The following OSTN variants were observed in gnomAD, a reference collection of about 807,000 sequenced individuals.
OSTN encodes the protein osteocrin.
A neutral mutation model predicts 12.0 loss-of-function variants in OSTN; 9 were observed. The ratio of observed to expected loss-of-function variants is 0.75; its 90% CI spans 0.45 to 1.30. The LOEUF is 1.30. Ranked by LOEUF, OSTN falls within the 50% of genes most tolerant of loss-of-function variation. OSTN has a pLI of 0.00. For synonymous variants in OSTN, 59 were observed against 56.9 expected (o/e 1.04, Z -0.16); for missense variants, 148 against 152.3 (o/e 0.97, Z 0.15).
At chr3:191,229,363 A>G (rs1009703626) in intron 3 of OSTN, among the ~76,000 whole-genome samples, 1 of 152,240 alleles carries the variant, frequency 6.6e-6, no homozygotes, top group Non-Finnish European at 1.5e-5. Context: ...ACTATTATTT[A>G]CTTTAAAATA....
rs1048104338 is a variant in OSTN at position 191,262,907 on chromosome 3, T to A, written c.*54T>A. The A allele has an allele frequency of 1.4e-6, 1 of 702,062 alleles. No individual in the cohort carries two copies. The highest frequency in any genetic ancestry group is 2.6e-6 in the Non-Finnish European group (1 of 384,406). The allele number at this position is 702,062 out of a possible 1,614,324, so 43.5% of individuals were successfully genotyped here. A position where few individuals can be genotyped will look rare whatever the true frequency, so the allele number is the denominator to read the frequency against. ...TGAAATGTCACAGCAATATGGAAGA[T>A]GCTTCACTGAAGTTATTCACACTTC... On this transcript the variant is annotated 3_prime_UTR_variant, in exon 5 of 5. Transcript: ENST00000682035.
chr3:191,208,384 G>A (rs1165794905), intron 1 of OSTN, among the ~76,000 whole-genome samples: 1 of 152,170 alleles, frequency 6.6e-6, no homozygotes, highest in East Asian at 1.9e-4. Flanking sequence ...TTAATCAAAT[G>A]TCTTTTGTAT....
At chr3:191,245,086 C>T (rs1322028019) in intron 3 of OSTN, among the ~76,000 whole-genome samples, 1 of 152,122 alleles carries the variant, frequency 6.6e-6, no homozygotes, top group Admixed American at 6.5e-5. Context: ...ATATTGCTCT[C>T]TTTTATAAAG....
At position 191,251,146 on chromosome 3, in the gene OSTN, T is replaced by C. The variant is rs953258870; in HGVS notation, c.*12+1013T>C. On this transcript the variant is annotated intron_variant, in intron 4 of 4. Transcript: ENST00000682035. ...TGTTAATTTATTAATAAGTATTAGT[T>C]AATATTATCATTATACAAATAAATG... 4.6e-5 allele frequency among the ~76,000 whole-genome samples: 7 copies of C among 151,444 alleles called. No individual in the cohort carries two copies. The East Asian group carries it at 1.2e-3, about 27-fold the overall frequency.
chr3:191,220,971 A>C (rs969325018), intron 3 of OSTN, among the ~76,000 whole-genome samples: 2 of 152,094 alleles, frequency 1.3e-5, no homozygotes, highest in African/African-American at 2.4e-5. Flanking sequence ...AGTTCCCATC[A>C]TCTCCATGTA....
intron 3 of OSTN, among the ~76,000 whole-genome samples, chr3:191,225,952 G>A (rs536067427): frequency 1.5e-4 from 23 of 152,096 alleles, no homozygotes; most frequent in Non-Finnish European, 2.4e-4. Flanking sequence ...AAACCTACAC[G>A]TACATACCCT....
At chr3:191,232,571 G>A (rs1186500508) in intron 3 of OSTN, among the ~76,000 whole-genome samples, 3 of 148,396 alleles carry the variant, frequency 2.0e-5, no homozygotes, top group Non-Finnish European at 3.0e-5. Flanking sequence ...GTCTCACTCT[G>A]TTGCCTAGGC....
chr3:191,219,031 ATTCC>A, intron 3 of OSTN, 70 bp downstream of exon 3: 1 of 1,349,384 alleles, frequency 7.4e-7, no homozygotes, highest in Admixed American at 2.1e-5. Context: ...ATCTGAGAGA[ATTCC>A]ACATGAAAAA....
chr3:191,214,403 G>A (rs550109031), intron 2 of OSTN, among the ~76,000 whole-genome samples: 8 of 116,790 alleles, frequency 6.8e-5, no homozygotes, highest in East Asian at 5.2e-4. Flanking sequence ...AGCCAAGATC[G>A]CACCAGCCTG....
intron 3 of OSTN, among the ~76,000 whole-genome samples, chr3:191,230,442 T>C: frequency 6.6e-6 from 1 of 151,544 alleles, no homozygotes; most frequent in Non-Finnish European, 1.5e-5. Flanking sequence ...TGGGCGCCTG[T>C]AGCCCCAGCT....
At chr3:191,221,213 G>A (rs779796317) in intron 3 of OSTN, among the ~76,000 whole-genome samples, 4 of 152,198 alleles carry the variant, frequency 2.6e-5, no homozygotes, top group Non-Finnish European at 5.9e-5. Context: ...GGAACTGTGA[G>A]TCAATTAAAC....
chr3:191,234,753 T>C (rs1715147936), intron 3 of OSTN: 1 of 151,434 alleles, frequency 6.6e-6, no homozygotes. Flanking sequence ...TGACTTTTCT[T>C]CAGGAGCATA....
chr3:191,218,123 G>C (rs1465134102), intron 2 of OSTN, among the ~76,000 whole-genome samples: 1 of 152,186 alleles, frequency 6.6e-6, no homozygotes, highest in Non-Finnish European at 1.5e-5. Context: ...GAGGTATATA[G>C]ATAAAGCACT....
At chr3:191,211,467 A>G (rs1714414733) in intron 1 of OSTN, among the ~76,000 whole-genome samples, 1 of 152,222 alleles carries the variant, frequency 6.6e-6, no homozygotes, top group Admixed American at 6.5e-5. Flanking sequence ...ATGAACTTTC[A>G]GATACATGTT....
In OSTN at chr3:191,263,761, TAGTA is replaced by T; in HGVS notation, c.*911_*914del. On this transcript the variant is annotated 3_prime_UTR_variant, in exon 5 of 5. Transcript: ENST00000682035. Reference sequence around the variant, plus strand: ...TTGGCTTCAATTGTCTTATTATCCTTAGTAAGCCAATTGAAGAGCATAATGATTT... The same window carrying T: ...TTGGCTTCAATTGTCTTATTATCCTTAGCCAATTGAAGAGCATAATGATTT... 6.6e-6 allele frequency: 1 copy of T among 152,294 alleles called. No individual in the cohort carries two copies. Among genetic ancestry groups the T allele is most frequent in the South Asian group, 2.1e-4 (1 of 4,832 alleles). The allele number at this position is 152,294 out of a possible 1,614,324, so 9.4% of individuals were successfully genotyped here.
chr3:191,236,593 C>A (rs1159426260), intron 3 of OSTN, among the ~76,000 whole-genome samples: 1 of 151,118 alleles, frequency 6.6e-6, no homozygotes, highest in African/African-American at 2.4e-5. Context: ...ACTACAAGGG[C>A]TTGGGACAAA....
At chr3:191,260,684 A>G (rs1715786433) in intron 4 of OSTN, among the ~76,000 whole-genome samples, 1 of 152,158 alleles carries the variant, frequency 6.6e-6, no homozygotes, top group South Asian at 2.1e-4. Context: ...TAGGATGGCC[A>G]CCTGATGTGA....
chr3:191,225,626 A>G (rs777108491), intron 3 of OSTN, among the ~76,000 whole-genome samples: 7 of 152,214 alleles, frequency 4.6e-5, no homozygotes, highest in Non-Finnish European at 4.4e-5. Flanking sequence ...TATAGACACA[A>G]TGGAATACTA....
intron 1 of OSTN, among the ~76,000 whole-genome samples, chr3:191,209,894 T>G (rs1714373825): frequency 6.6e-6 from 1 of 152,252 alleles, no homozygotes; most frequent in Non-Finnish European, 1.5e-5. Context: ...AGAACTTAAC[T>G]GCTGCACAAC....
Sources: allele counts gnomAD v4.1 joint callset (sites outside exome capture counted in the v4.1 genomes callset), GRCh38; gene constraint gnomAD v4.1.1; transcripts MANE v1.5; gene names NCBI Gene and HGNC (gene_info 2026-07-23, HGNC 2026-07-21).